The following HDAC5 variants were observed in gnomAD, a reference collection of about 807,000 sequenced individuals.
HDAC5 encodes antigen NY-CO-9.
HDAC5 carries 25 observed loss-of-function variants against 133.3 expected under a neutral mutation model. The ratio of observed to expected loss-of-function variants is 0.19; its 90% confidence interval spans 0.14 to 0.26. The LOEUF (loss-of-function observed/expected upper bound fraction) is 0.26, where lower values mean the gene tolerates loss of function less well. HDAC5 is among the 10% of genes least tolerant of loss of function. The pLI, the probability that HDAC5 is intolerant of heterozygous loss-of-function variation, is 1.00. For missense variants in HDAC5, 1,041 were observed against 1,460.5 expected, an observed-to-expected ratio of 0.71 and a Z score of 4.68; for synonymous variants, 589 against 610.8, an observed-to-expected ratio of 0.96 and a Z score of 0.53.
intron 11 of HDAC5, 65 bp downstream of exon 11, chr17:44,091,203 GGA>G: frequency 8.5e-7 from 1 of 1,179,948 alleles, no homozygotes; most frequent in South Asian, 1.3e-5. Context: ...TGACAGGGTT[GGA>G]GAGTATCCCT....
chr17:44,110,755 G>C lies in HDAC5; in HGVS notation c.68C>G (p.Thr23Ser). The change falls in exon 3 of 27, where the codon ACT (threonine) becomes AGT (serine). Residue 23 changes from threonine to serine, a missense_variant. Physicochemically the swap from Thr to Ser is moderately conservative, Grantham distance 58. Around this residue, in one of 9 missense-constraint regions of HDAC5, gnomAD observed 93 missense variants for 98.8 expected, o/e 0.94. Transcript: ENST00000682912. The part of the protein sequence containing the change: ...REPSLEILPR[T>S]SLHSIPVTVE... The stretch of plus-strand genomic sequence containing the variant: ...TGTCACAGGGATGCTGTGCAGAGAA[G>C]TCCGCGGCAGGATTTCCAAGGATGG... The C allele has an allele frequency of 6.2e-7, 1 of 1,613,970 alleles. No individual in the cohort carries two copies.
At chr17:44,112,150 C>T (rs1284144912) in intron 2 of HDAC5, among the ~76,000 whole-genome samples, 1 of 152,168 alleles carries the variant, frequency 6.6e-6, no homozygotes, top group African/African-American at 2.4e-5. Context: ...TCCCATTTCC[C>T]AGGGTTTCTA....
intron 1 of HDAC5, 52 bp downstream of exon 1, chr17:44,123,452 C>T (rs909399486): frequency 8.2e-6 from 3 of 364,200 alleles, no homozygotes; most frequent in African/African-American, 6.4e-5. Flanking sequence ...GGCGCCGCCT[C>T]GCGTCCCGGG....
chr17:44,095,860 C>T (rs747143023), intron 3 of HDAC5, among the ~76,000 whole-genome samples: 4 of 152,028 alleles, frequency 2.6e-5, no homozygotes, highest in East Asian at 3.9e-4. Context: ...TACGGAGAAC[C>T]GGCTGGGGAG....
In HDAC5 at chr17:44,117,193, G is replaced by C. The variant is rs116725116; in HGVS notation, c.22+301C>G. ...TTAAGGGATACACACTGCCCCCTCA[G>C]GCCCACCTGTCTTGGCTAGCAGGGG... On this transcript the variant is annotated intron_variant, in intron 2 of 26. Coordinates refer to ENST00000682912, the MANE Select transcript of HDAC5 (RefSeq NM_005474.5). This position sits in a 1 kb window ranked among gnomAD's most constrained non-coding sequence, Gnocchi z 4.2. 6.6e-6 allele frequency among the ~76,000 whole-genome samples: 1 copy of C among 152,328 alleles called. No homozygotes were observed. The highest frequency in any genetic ancestry group is 1.5e-5 in the Non-Finnish European group (1 of 68,028).
rs919188648 is a variant in HDAC5, at chr17:44,087,661, G to C, written c.1635C>G (p.Pro545=). ...CCTCTGTCTCCTCAGGGTGGGTGGTGGGCTGCCTGGGCAGCTCCCCTGTCT... is the reference window on the plus strand; with the variant it reads ...CCTCTGTCTCCTCAGGGTGGGTGGTCGGCTGCCTGGGCAGCTCCCCTGTCT... ...LTKTGELPRQ[P]TTHPEETEEE... Residue 545 remains proline (P), a synonymous_variant, in exon 13 of 27, where the codon CCC becomes CCG. Coordinates refer to ENST00000682912, the MANE Select transcript of HDAC5 (RefSeq NM_005474.5). 6.2e-7 allele frequency: 1 copy of C among 1,606,924 alleles called. No individual in the cohort carries two copies. Among genetic ancestry groups the C allele is most frequent in the Middle Eastern group, 1.7e-4 (1 of 6,050 alleles).
intron 11 of HDAC5, 83 bp from the exon 12 acceptor site, chr17:44,088,681 A>C: frequency 1.3e-6 from 2 of 1,520,934 alleles, no homozygotes; most frequent in East Asian, 2.4e-5. Flanking sequence ...TGCCCCCACA[A>C]CCCCCTCTGG....
chr17:44,086,844 C>G (rs1220676962), intron 13 of HDAC5, 107 bp from the exon 14 acceptor site: 1 of 804,226 alleles, frequency 1.2e-6, no homozygotes, highest in Non-Finnish European at 1.7e-6. Flanking sequence ...CCTTTTCTTC[C>G]AAGTCTCCTT....
rs2050582119 is a variant in HDAC5 at position 44,085,003 on chromosome 17, G to T, written c.2184+19C>A. 1 of 1,572,996 alleles carries T rather than the reference G, an allele frequency of 6.4e-7. No homozygotes were observed. The highest frequency in any genetic ancestry group is 2.3e-5 in the East Asian group (1 of 43,882). On this transcript the variant is annotated intron_variant, in intron 15 of 26. Transcript: ENST00000682912. Reference sequence around the variant, plus strand: ...GCTGGATTTAAGTTGAGAGCCAGAAGAAGGAGGGGCTCCCTTACCTCGCAC... The same window carrying T: ...GCTGGATTTAAGTTGAGAGCCAGAATAAGGAGGGGCTCCCTTACCTCGCAC...
At chr17:44,081,283 C>T (rs2050376889) in intron 20 of HDAC5, among the ~76,000 whole-genome samples, 2 of 151,682 alleles carry the variant, frequency 1.3e-5, no homozygotes, top group African/African-American at 4.8e-5. Context: ...AAGTTTCACT[C>T]TTGTTGCCCA....
intron 3 of HDAC5, among the ~76,000 whole-genome samples, chr17:44,109,157 C>T (rs1002415051): frequency 1.3e-5 from 2 of 152,208 alleles, no homozygotes; most frequent in African/African-American, 2.4e-5. Context: ...GGAACAGAGG[C>T]GACAGGGCAG....
intron 3 of HDAC5, among the ~76,000 whole-genome samples, chr17:44,099,410 C>T (rs1480268426): frequency 1.3e-5 from 2 of 152,116 alleles, no homozygotes. Context: ...CAGGGCTGAC[C>T]ACCCTGCCTC....
chr17:44,112,232 A>G (rs1186873178), intron 2 of HDAC5, among the ~76,000 whole-genome samples: 2 of 152,134 alleles, frequency 1.3e-5, no homozygotes, highest in East Asian at 3.9e-4. Flanking sequence ...AGGAGAGTCA[A>G]GAGTTTTTCA....
intron 3 of HDAC5, among the ~76,000 whole-genome samples, chr17:44,105,671 G>C (rs2051889456): frequency 2.6e-5 from 4 of 152,180 alleles, no homozygotes. Flanking sequence ...CTGCTCCCTG[G>C]CGGCTGGAAA....
At chr17:44,102,525 T>G (rs1391542248) in intron 3 of HDAC5, among the ~76,000 whole-genome samples, 2 of 152,002 alleles carry the variant, frequency 1.3e-5, no homozygotes, top group Non-Finnish European at 2.9e-5. Flanking sequence ...CACACCCAGC[T>G]AATTTTTGTA....
Position 44,097,807 on chromosome 17 carries a change from G to A in HDAC5, c.95-3973C>T, listed in dbSNP as rs534227546. On this transcript the variant is annotated intron_variant, in intron 3 of 26. Coordinates refer to ENST00000682912, the MANE Select transcript of HDAC5 (RefSeq NM_005474.5). ...AACCCTGCCTAGGGCTGGAACTGTC[G>A]CCAGCAGTACTGGCTTCCCTTGCAG... Among the ~76,000 whole-genome samples, 18 of 152,368 alleles carry A rather than the reference G, an allele frequency of 1.2e-4. No homozygotes were observed. In the East Asian group the frequency reaches 3.3e-3, roughly 28 times the overall value.
In HDAC5 at chr17:44,085,064, G is replaced by A; in HGVS notation, c.2142C>T (p.Ile714=). The A allele has an allele frequency of 6.3e-7, 1 of 1,598,616 alleles. No homozygotes were observed. Among genetic ancestry groups the A allele is most frequent in the Non-Finnish European group, 8.6e-7 (1 of 1,167,096 alleles). ...HPEHAGRIQS[I]WSRLQETGLL... ...GGCCTGTCTCCTGCAGCCGGGACCA[G>A]ATGCTCTGGATCCGGCCAGCATGCT... is the stretch of plus-strand genomic sequence containing the variant. The change falls in exon 15 of 27, where the codon ATC becomes ATT. Residue 714 remains isoleucine (I), a synonymous_variant. Transcript: ENST00000682912.
chr17:44,078,658 G>C lies in HDAC5; in HGVS notation c.3171C>G (p.His1057Gln), dbSNP rs552734434. The C allele has an allele frequency of 1.9e-6, 3 of 1,605,196 alleles. No individual in the cohort carries two copies. In the Admixed American group the frequency reaches 5.0e-5, roughly 27 times the overall value. Residue 1057 changes from histidine (H) to glutamine (Q), a missense_variant, in exon 26 of 27, where the codon CAC becomes CAG. This residue lies in a region of HDAC5 where 95 missense variants were observed against 107.3 expected (regional missense o/e 0.88). Transcript: ENST00000682912. ...LEKVIEIQSK[H>Q]WSCVQKFAAG... Reference sequence around the variant, plus strand: ...CGGCGAACTTCTGCACACAGCTCCAGTGTTTGCCTGTGGACGAGAGACAGG... The same window carrying C: ...CGGCGAACTTCTGCACACAGCTCCACTGTTTGCCTGTGGACGAGAGACAGG...
At chr17:44,114,967 G>T (rs954620288) in intron 2 of HDAC5, among the ~76,000 whole-genome samples, 1 of 152,166 alleles carries the variant, frequency 6.6e-6, no homozygotes, top group African/African-American at 2.4e-5. Context: ...GAGCCAGAGG[G>T]AAGTCATCAG....
Sources: allele counts gnomAD v4.1 joint callset (sites outside exome capture counted in the v4.1 genomes callset), GRCh38; gene constraint gnomAD v4.1.1; regional missense constraint gnomAD v4.1.1; non-coding constraint Gnocchi (gnomAD v3.1); transcripts MANE v1.5; gene names NCBI Gene and HGNC (gene_info 2026-07-23, HGNC 2026-07-21).